IGSF10: variants seen among roughly 807,000 people sequenced by gnomAD.
IGSF10 encodes the protein immunoglobulin superfamily member 10.
A neutral mutation model predicts 128.2 loss-of-function variants in IGSF10; 126 were observed. The observed-to-expected ratio is 0.98, with a 90% CI of 0.85 to 1.14. The LOEUF is 1.14. IGSF10 is among the 50% of genes most tolerant of loss of function. IGSF10 has a pLI of 0.00. For synonymous variants in IGSF10, 1,185 were observed against 1,146.2 expected (o/e 1.03, Z -0.68); for missense variants, 3,295 against 3,149.8 (o/e 1.05, Z -1.10).
the IGSF10 span, among the ~76,000 whole-genome samples, chr3:151,559,942 C>T: frequency 2.6e-5 from 4 of 151,966 alleles, no homozygotes; most frequent in African/African-American, 4.8e-5. Flanking sequence ...ATCTGAGTCA[C>T]GGAAAAGAGG....
the IGSF10 span, among the ~76,000 whole-genome samples, chr3:151,490,036 G>A: frequency 2.0e-5 from 3 of 152,002 alleles, no homozygotes; most frequent in Non-Finnish European, 4.4e-5. Context: ...GCAGTAATAA[G>A]TCTTTACTTA....
Position 151,437,506 on chromosome 3 carries a change from C to G in IGSF10, c.7055G>C (p.Gly2352Ala). ...AGAGCAATTCAATGCTGTGGACTTTCCCAGCTGGGCAACTATTTTTTCATT... is the reference window on the plus strand; with the variant it reads ...AGAGCAATTCAATGCTGTGGACTTTGCCAGCTGGGCAACTATTTTTTCATT... ...PFNEKIVAQL[G>A]KSTALNCSVD... The change falls in exon 8 of 8, where the codon GGA becomes GCA. Residue 2352 changes from glycine to alanine, a missense_variant. By Grantham distance (60) the Gly-to-Ala change is moderately conservative. Coordinates refer to ENST00000282466, the MANE Select transcript of IGSF10 (RefSeq NM_178822.5). The G allele has an allele frequency of 6.2e-7, 1 of 1,614,160 alleles. No individual in the cohort carries two copies. The highest frequency in any genetic ancestry group is 8.5e-7 in the Non-Finnish European group (1 of 1,180,024).
At chr3:151,434,784 AC>A (rs1719912127), downstream of IGSF10, 1 of 152,240 alleles carries the variant, frequency 6.6e-6, no homozygotes, top group Non-Finnish European at 1.5e-5. Flanking sequence ...CAACAGTAAT[AC>A]TGTTTTAAGA....
chr3:151,586,249 G>C, the IGSF10 span, among the ~76,000 whole-genome samples: 1 of 152,038 alleles, frequency 6.6e-6, no homozygotes, highest in Admixed American at 6.6e-5. Context: ...CATGAGCGAA[G>C]GCACCTGGCC....
the IGSF10 span, among the ~76,000 whole-genome samples, chr3:151,617,495 T>C: frequency 6.6e-6 from 1 of 151,970 alleles, no homozygotes; most frequent in Non-Finnish European, 1.5e-5. Flanking sequence ...GTAGATAACT[T>C]GTTTAATTTC....
chr3:151,497,470 C>T, the IGSF10 span, among the ~76,000 whole-genome samples: 11 of 152,052 alleles, frequency 7.2e-5, no homozygotes, highest in Non-Finnish European at 1.3e-4. Context: ...AGGTTGGTCA[C>T]AGATCAGATA....
At chr3:151,484,953 T>A in the IGSF10 span, among the ~76,000 whole-genome samples, 1 of 151,822 alleles carries the variant, frequency 6.6e-6, no homozygotes, top group Admixed American at 6.6e-5. Flanking sequence ...GGAGAATGAG[T>A]GTGATGAATT....
At chr3:151,519,806 GA>G in the IGSF10 span, among the ~76,000 whole-genome samples, 2 of 151,782 alleles carry the variant, frequency 1.3e-5, no homozygotes, top group Non-Finnish European at 2.9e-5. Context: ...TAAAGCCTTA[GA>G]CATACTGGGC....
chr3:151,554,132 TCACACACA>T, the IGSF10 span, among the ~76,000 whole-genome samples: 53 of 147,418 alleles, frequency 3.6e-4, no homozygotes, highest in Non-Finnish European at 4.9e-4. Context: ...CAGAGTGAGA[TCACACACA>T]CACACACACA....
chr3:151,436,969 G>C lies in IGSF10; in HGVS notation c.7592C>G (p.Thr2531Arg). The change falls in exon 8 of 8, where the codon ACA (threonine) becomes AGA (arginine). Residue 2531 changes from threonine (T) to arginine (R), a missense_variant. Thr to Arg is a moderately conservative substitution (Grantham distance 71). Transcript: ENST00000282466. ...VMIVAYPPRI[T>R]NRPPRSIVTR... ...GACAATACTCCTGGGTGGACGATTTGTAATTCGGGGAGGGTAGGCTACAAT... is the reference window on the plus strand; with the variant it reads ...GACAATACTCCTGGGTGGACGATTTCTAATTCGGGGAGGGTAGGCTACAAT... 1 of 1,614,208 alleles carries C rather than the reference G, an allele frequency of 6.2e-7. No homozygotes were observed.
At chr3:151,600,698 A>G in the IGSF10 span, among the ~76,000 whole-genome samples, 7 of 152,146 alleles carry the variant, frequency 4.6e-5, no homozygotes, top group Admixed American at 6.5e-5. Context: ...CAAAATTTAA[A>G]TCAATTTATA....
the IGSF10 span, among the ~76,000 whole-genome samples, chr3:151,585,310 T>A: frequency 2.0e-4 from 30 of 152,324 alleles, 1 homozygote; most frequent in Admixed American, 1.1e-3. Flanking sequence ...CTTTCTAATG[T>A]CACTACTGGA....
downstream of IGSF10, chr3:151,436,018 G>A (rs965862285): frequency 6.6e-6 from 1 of 152,176 alleles, no homozygotes; most frequent in African/African-American, 2.4e-5. Flanking sequence ...TTTAATGGGT[G>A]TATTTGGACA....
At chr3:151,568,876 C>T in the IGSF10 span, among the ~76,000 whole-genome samples, 1 of 152,070 alleles carries the variant, frequency 6.6e-6, no homozygotes, top group Admixed American at 6.6e-5. Flanking sequence ...TTAAATATTT[C>T]CAGCAGAAAG....
At chr3:151,501,968 G>T in the IGSF10 span, among the ~76,000 whole-genome samples, 2 of 151,996 alleles carry the variant, frequency 1.3e-5, no homozygotes, top group Admixed American at 6.6e-5. Flanking sequence ...AAATCAAGGA[G>T]TCCTAGATTG....
the IGSF10 span, among the ~76,000 whole-genome samples, chr3:151,618,872 T>C: frequency 6.6e-6 from 1 of 151,314 alleles, no homozygotes; most frequent in African/African-American, 2.4e-5. Context: ...CAGGCTTTTT[T>C]TCATATATTT....
In IGSF10 at chr3:151,443,417, T is replaced by C. The variant is rs754125345; in HGVS notation, c.5530A>G (p.Ile1844Val). 6.2e-7 allele frequency: 1 copy of C among 1,614,232 alleles called. No homozygotes were observed. Among genetic ancestry groups the C allele is most frequent in the Non-Finnish European group, 8.5e-7 (1 of 1,180,038 alleles). The change falls in exon 7 of 8, where the codon ATT (isoleucine) becomes GTT (valine). Residue 1844 changes from isoleucine to valine, a missense_variant. By Grantham distance (29) the Ile-to-Val change is conservative (BLOSUM62 3). Coordinates refer to ENST00000282466, the MANE Select transcript of IGSF10 (RefSeq NM_178822.5). The part of the protein sequence containing the change: ...KIQVIAAPPV[I>V]LEQRRQVIVG... Reference sequence around the variant, plus strand: ...ATGACTTGCCTCCTTTGCTCTAGAATAACAGGTGGTGCTGCAATGACTTGT... The same window carrying C: ...ATGACTTGCCTCCTTTGCTCTAGAACAACAGGTGGTGCTGCAATGACTTGT...
chr3:151,472,472 T>C, the IGSF10 span, among the ~76,000 whole-genome samples: 1 of 152,184 alleles, frequency 6.6e-6, no homozygotes, highest in Non-Finnish European at 1.5e-5. Flanking sequence ...GCAGCGGCAT[T>C]ACCATTGTCC....
chr3:151,563,775 C>T, the IGSF10 span, among the ~76,000 whole-genome samples: 1 of 152,098 alleles, frequency 6.6e-6, no homozygotes, highest in African/African-American at 2.4e-5. Context: ...TGAACAAAAG[C>T]CATAATTTAT....
Sources: gnomAD v4.1 joint callset for allele counts (sites outside exome capture counted in the v4.1 genomes callset) on GRCh38, gnomAD v4.1.1 for gene constraint, MANE v1.5 for transcripts, NCBI Gene and HGNC (gene_info 2026-07-23, HGNC 2026-07-21) for gene names.